Variants in LRRC7 observed in about 807,000 individuals in gnomAD.
The protein encoded by LRRC7 is leucine rich repeat containing 7.
A neutral mutation model predicts 175.7 loss-of-function variants in LRRC7; 23 were observed. That is an observed-to-expected ratio of 0.13 (90% CI 0.09 to 0.19). The LOEUF (loss-of-function observed/expected upper bound fraction) is 0.19, where lower values mean the gene tolerates loss of function less well. LRRC7 is among the 10% of genes least tolerant of loss of function. LRRC7 has a pLI of 1.00. For missense variants in LRRC7, 1,354 were observed against 1,904.7 expected (o/e 0.71, Z 5.38); for synonymous variants, 685 against 680.9 (o/e 1.01, Z -0.09).
chr1:69,870,422 A>G (rs1685407359), intron 7 of LRRC7, among the ~76,000 whole-genome samples: 1 of 152,090 alleles, frequency 6.6e-6, no homozygotes, highest in African/African-American at 2.4e-5. Flanking sequence ...TATCAAGTAT[A>G]GAAGCAAGAA....
intron 2 of LRRC7, among the ~76,000 whole-genome samples, chr1:69,709,126 G>A (rs937915722): frequency 6.6e-6 from 1 of 152,116 alleles, no homozygotes; most frequent in African/African-American, 2.4e-5. Context: ...ATGAAACTTT[G>A]TATTAGACAG....
At position 70,131,128 on chromosome 1, in the gene LRRC7, G is replaced by A. The variant is rs887301371; in HGVS notation, c.*9241G>A. On this transcript the variant is annotated 3_prime_UTR_variant, in exon 27 of 27. Coordinates refer to ENST00000651989, the MANE Select transcript of LRRC7 (RefSeq NM_001370785.2). ...TAGATAGAGCACAGAAAAAAAATCA[G>A]GGTTACCTTGACAAAACCATGTTAC... Among the ~76,000 whole-genome samples, 1 of 152,256 alleles carries A rather than the reference G, an allele frequency of 6.6e-6. No homozygotes were observed. Among genetic ancestry groups the A allele is most frequent in the African/African-American group, 2.4e-5 (1 of 41,548 alleles).
chr1:70,087,578 T>C (rs1663709732), intron 24 of LRRC7, among the ~76,000 whole-genome samples: 1 of 152,190 alleles, frequency 6.6e-6, no homozygotes, highest in African/African-American at 2.4e-5. Flanking sequence ...ATTATAAGTT[T>C]ATATTCATAA....
chr1:70,086,368 A>G (rs1474303259), intron 24 of LRRC7, among the ~76,000 whole-genome samples: 1 of 152,214 alleles, frequency 6.6e-6, no homozygotes, highest in Non-Finnish European at 1.5e-5. Context: ...AGATTAACAC[A>G]GACCAGAAGT....
intron 23 of LRRC7, among the ~76,000 whole-genome samples, chr1:70,054,597 T>C (rs985604022): frequency 7.4e-6 from 1 of 135,320 alleles, no homozygotes; most frequent in African/African-American, 2.8e-5. Flanking sequence ...TTTTTTTTTT[T>C]TTTTTTTTTT....
At position 70,018,790 on chromosome 1, in the gene LRRC7, G is replaced by T; in HGVS notation, c.1392G>T (p.Met464Ile). 6.2e-7 allele frequency: 1 copy of T among 1,612,574 alleles called. No individual in the cohort carries two copies. Among genetic ancestry groups the T allele is most frequent in the Non-Finnish European group, 8.5e-7 (1 of 1,178,948 alleles). The change falls in exon 15 of 27, where the codon ATG becomes ATT. Residue 464 changes from methionine (M) to isoleucine (I), a missense_variant. Physicochemically the swap from Met to Ile is conservative, Grantham distance 10 (BLOSUM62 1). Coordinates refer to ENST00000651989, the MANE Select transcript of LRRC7 (RefSeq NM_001370785.2). ...AGCAAAGAGTATTGACTAACTACAT[G>T]TTTCCCCAGCAGCCTCGTGGTGATG... ...ETKQRVLTNY[M>I]FPQQPRGDED... is the part of the protein sequence containing the mutation.
intron 8 of LRRC7, among the ~76,000 whole-genome samples, chr1:69,978,213 G>C (rs1653028561): frequency 6.6e-6 from 1 of 151,866 alleles, no homozygotes; most frequent in South Asian, 2.1e-4. Context: ...AACCCAGGAG[G>C]CAGAGGTTGC....
chr1:69,700,196 G>A (rs901064443), intron 2 of LRRC7, among the ~76,000 whole-genome samples: 2 of 152,158 alleles, frequency 1.3e-5, no homozygotes, highest in African/African-American at 4.8e-5. Context: ...TGTAGATCCT[G>A]AAGCCAAACT....
intron 10 of LRRC7, among the ~76,000 whole-genome samples, chr1:69,993,392 C>T (rs995034542): frequency 3.3e-5 from 5 of 152,172 alleles, no homozygotes; most frequent in Admixed American, 1.3e-4. Flanking sequence ...AGTGCAGCCA[C>T]AGCTTTATTT....
chr1:70,086,980 T>C (rs1348014150), intron 24 of LRRC7, among the ~76,000 whole-genome samples: 1 of 152,184 alleles, frequency 6.6e-6, no homozygotes, highest in Admixed American at 6.6e-5. Flanking sequence ...TCTGACATGC[T>C]TTATGAGACC....
chr1:69,683,037 A>C (rs1660695115), intron 2 of LRRC7, among the ~76,000 whole-genome samples: 1 of 152,162 alleles, frequency 6.6e-6, no homozygotes, highest in African/African-American at 2.4e-5. Context: ...CCCAATGTGC[A>C]CTTGACACAT....
chr1:70,057,427 T>C (rs983885383), intron 23 of LRRC7, among the ~76,000 whole-genome samples: 9 of 152,188 alleles, frequency 5.9e-5, no homozygotes, highest in Admixed American at 2.6e-4. Context: ...TTTTTAAAAG[T>C]TAATATTATT....
chr1:69,753,539 G>T (rs1670078397), intron 2 of LRRC7, among the ~76,000 whole-genome samples: 2 of 152,014 alleles, frequency 1.3e-5, no homozygotes, highest in East Asian at 1.9e-4. Flanking sequence ...TCAAAATGTG[G>T]AAAATAATAT....
intron 7 of LRRC7, among the ~76,000 whole-genome samples, chr1:69,928,215 C>T (rs1647152667): frequency 6.6e-6 from 1 of 152,184 alleles, no homozygotes; most frequent in Admixed American, 6.5e-5. Flanking sequence ...TCTGCCCCTA[C>T]TGTGGGGTGC....
At chr1:69,822,318 G>A (rs1439278454) in intron 4 of LRRC7, among the ~76,000 whole-genome samples, 1 of 152,180 alleles carries the variant, frequency 6.6e-6, no homozygotes, top group East Asian at 1.9e-4. Flanking sequence ...CACACTCTCT[G>A]TCAGGCACAT....
At chr1:69,908,596 G>A in intron 7 of LRRC7, among the ~76,000 whole-genome samples, 1 of 151,854 alleles carries the variant, frequency 6.6e-6, no homozygotes, top group East Asian at 1.9e-4. Context: ...TTAGTCCTGA[G>A]TTCTAGTTTG....
chr1:70,082,341 C>T (rs1434172548), intron 24 of LRRC7, among the ~76,000 whole-genome samples: 1 of 152,148 alleles, frequency 6.6e-6, no homozygotes, highest in African/African-American at 2.4e-5. Context: ...CAGGGACATC[C>T]TGTGCCTTAT....
At chr1:70,034,044 A>C (rs1454294535) in intron 18 of LRRC7, among the ~76,000 whole-genome samples, 3 of 152,184 alleles carry the variant, frequency 2.0e-5, no homozygotes, top group Non-Finnish European at 4.4e-5. Flanking sequence ...AGAGAAGTAC[A>C]CTGACTTGCC....
chr1:69,852,182 T>C (rs761591981), intron 7 of LRRC7, among the ~76,000 whole-genome samples: 1 of 152,232 alleles, frequency 6.6e-6, no homozygotes, highest in Middle Eastern at 3.4e-3. Context: ...TTTCACATTA[T>C]GTTGAATTTG....
Sources: allele counts gnomAD v4.1 joint callset (sites outside exome capture counted in the v4.1 genomes callset), GRCh38; gene constraint gnomAD v4.1.1; transcripts MANE v1.5; gene names NCBI Gene and HGNC (gene_info 2026-07-23, HGNC 2026-07-21).